IMMP2L: variants seen among roughly 807,000 people sequenced by gnomAD.
IMMP2L encodes mitochondrial inner membrane protease subunit 2.
Under a neutral mutation model 19.3 loss-of-function variants are expected in IMMP2L, and 18 were observed. The observed-to-expected ratio is 0.93, with a 90% CI of 0.64 to 1.38. The LOEUF (loss-of-function observed/expected upper bound fraction) is 1.38, where lower values mean the gene tolerates loss of function less well. Among genes scored for constraint, IMMP2L ranks in the 40% most tolerant of loss-of-function variants. IMMP2L has a pLI of 0.00. For missense variants in IMMP2L, 233 were observed against 218.2 expected, an observed-to-expected ratio of 1.07 and a Z score of -0.43; for synonymous variants, 76 against 73.0, an observed-to-expected ratio of 1.04 and a Z score of -0.21.
chr7:111,302,599 T>C (rs1364344513), intron 3 of IMMP2L, among the ~76,000 whole-genome samples: 4 of 152,020 alleles, frequency 2.6e-5, no homozygotes, highest in African/African-American at 9.7e-5. Context: ...ATAAAAGAAA[T>C]TGAAGCACGG....
chr7:110,688,364 C>T (rs935442352), intron 5 of IMMP2L, among the ~76,000 whole-genome samples: 5 of 152,112 alleles, frequency 3.3e-5, no homozygotes, highest in African/African-American at 1.2e-4. Context: ...GGTATGACTA[C>T]AAAACAGACA....
At chr7:111,521,677 A>C (rs2132677286) in intron 1 of IMMP2L, among the ~76,000 whole-genome samples, 1 of 152,268 alleles carries the variant, frequency 6.6e-6, no homozygotes, top group South Asian at 2.1e-4. Context: ...CCACTTGCTA[A>C]CTTCAGTGGG....
intron 5 of IMMP2L, among the ~76,000 whole-genome samples, chr7:110,741,243 T>G (rs1796970713): frequency 6.6e-6 from 1 of 152,144 alleles, no homozygotes; most frequent in Non-Finnish European, 1.5e-5. Flanking sequence ...AACCAAACAT[T>G]GTATGTTCTC....
intron 3 of IMMP2L, among the ~76,000 whole-genome samples, chr7:111,216,162 A>ACAT (rs1562936019): frequency 6.6e-6 from 1 of 152,112 alleles, no homozygotes; most frequent in South Asian, 2.1e-4. Flanking sequence ...GGAGTCACAT[A>ACAT]CATCACCAAT....
intron 3 of IMMP2L, among the ~76,000 whole-genome samples, chr7:111,284,639 G>A (rs1043475924): frequency 6.6e-6 from 1 of 152,098 alleles, no homozygotes; most frequent in Non-Finnish European, 1.5e-5. Flanking sequence ...CTATAAGCCC[G>A]GGGCTTTAAA....
intron 3 of IMMP2L, among the ~76,000 whole-genome samples, chr7:111,153,664 T>C (rs577802611): frequency 3.3e-5 from 5 of 152,054 alleles, no homozygotes; most frequent in East Asian, 1.9e-4. Flanking sequence ...GATTAAACTC[T>C]TAACAAACAT....
chr7:110,993,916 C>A (rs1822750567), intron 3 of IMMP2L, among the ~76,000 whole-genome samples: 1 of 152,070 alleles, frequency 6.6e-6, no homozygotes, highest in Non-Finnish European at 1.5e-5. Flanking sequence ...CTCTGCCCAT[C>A]TGAAGGAGTC....
intron 4 of IMMP2L, among the ~76,000 whole-genome samples, chr7:110,937,048 G>A (rs886809657): frequency 2.0e-5 from 3 of 152,026 alleles, no homozygotes; most frequent in Non-Finnish European, 2.9e-5. Context: ...CACCAGGGCC[G>A]GTAGGGGGTT....
intron 1 of IMMP2L, among the ~76,000 whole-genome samples, chr7:111,551,700 C>T (rs979791415): frequency 3.3e-5 from 5 of 151,914 alleles, no homozygotes; most frequent in African/African-American, 1.2e-4. Context: ...CCATCACTAC[C>T]ACCTCAGCAA....
intron 3 of IMMP2L, among the ~76,000 whole-genome samples, chr7:111,471,339 T>C (rs1841251693): frequency 6.6e-6 from 1 of 152,068 alleles, no homozygotes; most frequent in Non-Finnish European, 1.5e-5. Context: ...CATTATTGTA[T>C]AGAAGAGAGG....
intron 3 of IMMP2L, among the ~76,000 whole-genome samples, chr7:111,445,853 C>A (rs1039587984): frequency 1.3e-5 from 2 of 152,008 alleles, no homozygotes; most frequent in Non-Finnish European, 2.9e-5. Context: ...GGTGCGCGCA[C>A]CGTGCGTGAG....
At chr7:110,835,000 G>T (rs1563010288) in intron 5 of IMMP2L, among the ~76,000 whole-genome samples, 1 of 152,146 alleles carries the variant, frequency 6.6e-6, no homozygotes, top group Non-Finnish European at 1.5e-5. Flanking sequence ...ACAGGTGCCA[G>T]ATGGAAGCAT....
rs570337660 is a variant in IMMP2L at position 110,750,723 on chromosome 7, C to T, written c.409-87002G>A. The stretch of plus-strand genomic sequence containing the variant: ...TTGCTGAGATTACTGTTAATGCTTC[C>T]CAAATACTGTATTTTCTGTACACAG... On this transcript the variant is annotated intron_variant, in intron 5 of 5. Transcript: ENST00000405709. Among the ~76,000 whole-genome samples, 50 of 152,028 alleles carry T rather than the reference C, an allele frequency of 3.3e-4. 2 individuals carry two copies. In the South Asian group the frequency reaches 9.6e-3, roughly 29 times the overall value.
At chr7:111,101,723 A>C (rs547732290) in intron 3 of IMMP2L, among the ~76,000 whole-genome samples, 2 of 151,600 alleles carry the variant, frequency 1.3e-5, no homozygotes, top group East Asian at 3.9e-4. Flanking sequence ...GTATAGCTAA[A>C]TGAGTTAGGG....
intron 5 of IMMP2L, among the ~76,000 whole-genome samples, chr7:110,820,856 C>A (rs1349874823): frequency 6.6e-6 from 1 of 152,030 alleles, no homozygotes; most frequent in Non-Finnish European, 1.5e-5. Context: ...CGTCCTTGAA[C>A]ACACCTTTTC....
chr7:111,502,870 A>G (rs1271359040), intron 2 of IMMP2L, among the ~76,000 whole-genome samples: 1 of 150,938 alleles, frequency 6.6e-6, no homozygotes, highest in Non-Finnish European at 1.5e-5. Context: ...AGAAAGCAGG[A>G]AAGATCCAAA....
intron 1 of IMMP2L, among the ~76,000 whole-genome samples, chr7:111,527,422 A>AG (rs34300115): frequency 0.37 from 38,748 of 105,440 alleles, 7,610 homozygotes; most frequent in Non-Finnish European, 0.46. Flanking sequence ...GTCTCCAAAA[A>AG]GGGGGGGGGG....
chr7:111,319,588 A>C (rs1824462991), intron 3 of IMMP2L, among the ~76,000 whole-genome samples: 1 of 152,120 alleles, frequency 6.6e-6, no homozygotes, highest in South Asian at 2.1e-4. Context: ...TTTTAGCTTT[A>C]AATCAATTTT....
chr7:111,249,475 G>C (rs546631057), intron 3 of IMMP2L, among the ~76,000 whole-genome samples: 1 of 151,188 alleles, frequency 6.6e-6, no homozygotes, highest in African/African-American at 2.4e-5. Context: ...AGAAATCACC[G>C]TCTTCTGCGT....
Sources: gnomAD v4.1 joint callset for allele counts (sites outside exome capture counted in the v4.1 genomes callset) on GRCh38, gnomAD v4.1.1 for gene constraint, MANE v1.5 for transcripts, NCBI Gene and HGNC (gene_info 2026-07-23, HGNC 2026-07-21) for gene names.